The following PLXNA4 variants were observed in gnomAD, a reference collection of about 807,000 sequenced individuals.
The protein encoded by PLXNA4 is plexin A4.
PLXNA4 carries 44 observed loss-of-function variants against 191.8 expected under a neutral mutation model. The ratio of observed to expected loss-of-function variants is 0.23; its 90% CI spans 0.18 to 0.29. PLXNA4 has a LOEUF of 0.29. Ranked by LOEUF, PLXNA4 falls within the 10% of genes least tolerant of loss-of-function variation. PLXNA4 has a pLI of 1.00. For missense variants in PLXNA4, 1,800 were observed against 2,488.8 expected (o/e 0.72, Z 5.89); for synonymous variants, 1,082 against 1,009.5 (o/e 1.07, Z -1.36).
chr7:132,635,404 C>T (rs1803581708), intron 2 of PLXNA4, among the ~76,000 whole-genome samples: 2 of 151,968 alleles, frequency 1.3e-5, no homozygotes, highest in South Asian at 4.2e-4. Flanking sequence ...AGGGATATGG[C>T]CCCTGTCCCC....
intron 2 of PLXNA4, among the ~76,000 whole-genome samples, chr7:132,586,073 A>G (rs1802500100): frequency 6.6e-6 from 1 of 152,234 alleles, no homozygotes; most frequent in South Asian, 2.1e-4. Context: ...AAATCCTTGT[A>G]GAACACCAGG....
chr7:132,304,077 A>G (rs1416546032), intron 3 of PLXNA4, among the ~76,000 whole-genome samples: 1 of 152,236 alleles, frequency 6.6e-6, no homozygotes, highest in Non-Finnish European at 1.5e-5. Context: ...AAAATCTTTT[A>G]GATCAGTAGG....
At chr7:132,403,354 A>C (rs964018650) in intron 3 of PLXNA4, among the ~76,000 whole-genome samples, 3 of 152,240 alleles carry the variant, frequency 2.0e-5, no homozygotes, top group African/African-American at 4.8e-5. Flanking sequence ...AAGAGAAGTC[A>C]GGCAAGGGAG....
At chr7:132,594,658 A>C (rs933838164) in intron 2 of PLXNA4, among the ~76,000 whole-genome samples, 1 of 152,102 alleles carries the variant, frequency 6.6e-6, no homozygotes. Flanking sequence ...CTCTAAATTA[A>C]AGCCCTTTTC....
intron 3 of PLXNA4, among the ~76,000 whole-genome samples, chr7:132,374,012 T>C (rs991543102): frequency 6.6e-6 from 1 of 152,194 alleles, no homozygotes; most frequent in East Asian, 1.9e-4. Context: ...CTGGGATTGA[T>C]TGCAGAGCTG....
chr7:132,437,857 C>T (rs1203906626), intron 3 of PLXNA4, among the ~76,000 whole-genome samples: 1 of 152,146 alleles, frequency 6.6e-6, no homozygotes, highest in Non-Finnish European at 1.5e-5. Flanking sequence ...CCATGTGATT[C>T]CCTCCACATT....
At chr7:132,229,976 G>C (rs1254230653) in intron 5 of PLXNA4, among the ~76,000 whole-genome samples, 1 of 152,158 alleles carries the variant, frequency 6.6e-6, no homozygotes, top group African/African-American at 2.4e-5. Context: ...AGAAATCATT[G>C]AAGGCCATGG....
At chr7:132,522,969 C>T (rs368955184) in intron 1 of PLXNA4, among the ~76,000 whole-genome samples, 1 of 151,536 alleles carries the variant, frequency 6.6e-6, no homozygotes, top group African/African-American at 2.4e-5. Flanking sequence ...CAATGGAGCT[C>T]AAGGAGGTGG....
rs1457809557 is a variant in PLXNA4, at chr7:132,129,481, A to G, written c.*998T>C. 1 of 152,276 alleles carries G rather than the reference A, an allele frequency of 6.6e-6. No homozygotes were observed. The highest frequency in any genetic ancestry group is 2.4e-5 in the African/African-American group (1 of 41,452). 9.4% of individuals were successfully genotyped at this position (152,276 alleles called of 1,614,324 possible). A position where few individuals can be genotyped will look rare whatever the true frequency, so the allele number is the denominator to read the frequency against. On this transcript the variant is annotated 3_prime_UTR_variant, in exon 32 of 32. Transcript: ENST00000321063. ...GTAGAATCTCCTAGATGCACTCTGC[A>G]TTTCACGTTGACCCTTGATGAAGGT...
At chr7:132,199,020 C>A (rs951449617) in intron 12 of PLXNA4, among the ~76,000 whole-genome samples, 1 of 152,212 alleles carries the variant, frequency 6.6e-6, no homozygotes, top group African/African-American at 2.4e-5. Context: ...TTCAGAGCCC[C>A]CTACACCTAT....
At chr7:132,377,646 T>A (rs990717369) in intron 3 of PLXNA4, among the ~76,000 whole-genome samples, 1 of 152,046 alleles carries the variant, frequency 6.6e-6, no homozygotes, top group African/African-American at 2.4e-5. Flanking sequence ...CTCCCCACCT[T>A]GCTGCTTGGA....
chr7:132,365,364 T>TGCGTGCGTGCGC (rs144384812), intron 3 of PLXNA4, among the ~76,000 whole-genome samples: 1 of 147,214 alleles, frequency 6.8e-6, no homozygotes. Context: ...TGTGTGTGCG[T>TGCGTGCGTGCGC]GCGCGCGCAT....
chr7:132,125,578 C>A lies in PLXNA4; in HGVS notation c.*4901G>T, dbSNP rs988932799. 6.6e-6 allele frequency: 1 copy of A among 152,162 alleles called. No individual in the cohort carries two copies. Among genetic ancestry groups the A allele is most frequent in the Non-Finnish European group, 1.5e-5 (1 of 68,034 alleles). 9.4% of individuals were successfully genotyped at this position (152,162 alleles called of 1,614,324 possible). Reference sequence around the variant, plus strand: ...TATACAAACAAAAACCAAACAACTCCAAAATCCCAAATAAATGGCCCACAG... The same window carrying A: ...TATACAAACAAAAACCAAACAACTCAAAAATCCCAAATAAATGGCCCACAG... On this transcript the variant is annotated 3_prime_UTR_variant, in exon 32 of 32. Coordinates refer to ENST00000321063, the MANE Select transcript of PLXNA4 (RefSeq NM_020911.2).
At chr7:132,632,974 G>C (rs901029775) in intron 2 of PLXNA4, among the ~76,000 whole-genome samples, 2 of 152,026 alleles carry the variant, frequency 1.3e-5, no homozygotes, top group African/African-American at 4.8e-5. Context: ...TGGAAGGTGG[G>C]GAGACAGACC....
chr7:132,605,842 T>A (rs79239162), intron 2 of PLXNA4, among the ~76,000 whole-genome samples: 5 of 151,986 alleles, frequency 3.3e-5, no homozygotes, highest in African/African-American at 1.2e-4. Context: ...AAGAACATCA[T>A]GTGAAAATAG....
chr7:132,130,941 C>T (rs550524710), intron 31 of PLXNA4, among the ~76,000 whole-genome samples: 9 of 152,240 alleles, frequency 5.9e-5, no homozygotes, highest in South Asian at 4.1e-4. Context: ...GTTCCATATC[C>T]GATGGAAATG....
intron 3 of PLXNA4, among the ~76,000 whole-genome samples, chr7:132,346,722 T>C (rs138748440): frequency 1.6e-4 from 25 of 152,372 alleles, no homozygotes; most frequent in African/African-American, 5.8e-4. Flanking sequence ...TAAGGTACAA[T>C]GTAAACTCTT....
At chr7:132,284,369 C>T (rs954631309) in intron 4 of PLXNA4, among the ~76,000 whole-genome samples, 4 of 152,236 alleles carry the variant, frequency 2.6e-5, no homozygotes, top group Admixed American at 6.5e-5. Context: ...AGGTCTCCTA[C>T]ACGTGTCATG....
At chr7:132,205,532 A>G (rs778374408) in intron 10 of PLXNA4, among the ~76,000 whole-genome samples, 18 of 152,024 alleles carry the variant, frequency 1.2e-4, no homozygotes, top group Non-Finnish European at 2.4e-4. Flanking sequence ...AGAGAGAGAG[A>G]GAGAACTTCC....
Sources: allele counts gnomAD v4.1 joint callset (sites outside exome capture counted in the v4.1 genomes callset), GRCh38; gene constraint gnomAD v4.1.1; transcripts MANE v1.5; gene names NCBI Gene and HGNC (gene_info 2026-07-23, HGNC 2026-07-21).